Variants in DOCK2 observed in about 807,000 individuals in gnomAD.
DOCK2 encodes dedicator of cytokinesis protein 2.
Under a neutral mutation model 248.9 loss-of-function variants are expected in DOCK2, and 87 were observed. The observed-to-expected ratio is 0.35, with a 90% CI of 0.29 to 0.42. The LOEUF (loss-of-function observed/expected upper bound fraction) is 0.42. Ranked by LOEUF, DOCK2 falls within the 10% of genes least tolerant of loss-of-function variation. DOCK2 has a pLI of 1.00. For synonymous variants in DOCK2, 805 were observed against 821.6 expected (o/e 0.98, Z 0.35); for missense variants, 1,747 against 2,300.2 (o/e 0.76, Z 4.92).
intron 27 of DOCK2, among the ~76,000 whole-genome samples, chr5:169,933,024 T>C (rs1775828148): frequency 6.6e-6 from 1 of 152,242 alleles, no homozygotes; most frequent in Non-Finnish European, 1.5e-5. Flanking sequence ...AAATGGTTTC[T>C]CCGGCAGGTA....
chr5:169,696,267 C>A (rs28598583), intron 10 of DOCK2, among the ~76,000 whole-genome samples: 4,304 of 152,234 alleles, frequency 0.028, 197 homozygotes, highest in African/African-American at 0.098. Flanking sequence ...TTATGAGGAG[C>A]AAATCATTTA....
intron 26 of DOCK2, among the ~76,000 whole-genome samples, chr5:169,804,256 A>T (rs1767170018): frequency 6.6e-6 from 1 of 152,148 alleles, no homozygotes; most frequent in African/African-American, 2.4e-5. Context: ...TACACTTACC[A>T]TCCCAATTAA....
At chr5:169,889,317 T>C (rs1474181602) in intron 27 of DOCK2, among the ~76,000 whole-genome samples, 1 of 152,226 alleles carries the variant, frequency 6.6e-6, no homozygotes, top group Admixed American at 6.5e-5. Context: ...CTATGCTTTC[T>C]CTATTTACGG....
intron 27 of DOCK2, among the ~76,000 whole-genome samples, chr5:169,877,312 A>G (rs751461955): frequency 1.3e-5 from 2 of 152,184 alleles, no homozygotes; most frequent in South Asian, 2.1e-4. Flanking sequence ...AGCAATCTGC[A>G]TGGAGGATTA....
intron 25 of DOCK2, among the ~76,000 whole-genome samples, chr5:169,801,065 C>T (rs1187784658): frequency 7.0e-6 from 1 of 142,928 alleles, no homozygotes; most frequent in African/African-American, 2.6e-5. Context: ...AAGCTTCTGC[C>T]TGGCTTAAGC....
intron 26 of DOCK2, among the ~76,000 whole-genome samples, chr5:169,826,535 T>G (rs1377008869): frequency 6.6e-6 from 1 of 152,116 alleles, no homozygotes; most frequent in Non-Finnish European, 1.5e-5. Flanking sequence ...GGTAAAGGTA[T>G]GGTGAATTCT....
At chr5:169,835,782 C>G (rs1334469758) in intron 26 of DOCK2, among the ~76,000 whole-genome samples, 1 of 151,040 alleles carries the variant, frequency 6.6e-6, no homozygotes. Context: ...TTTTTTGAGA[C>G]AGGGTCTCAC....
intron 32 of DOCK2, among the ~76,000 whole-genome samples, chr5:170,014,187 A>T (rs960259281): frequency 4.6e-5 from 7 of 152,116 alleles, no homozygotes; most frequent in African/African-American, 1.4e-4. Flanking sequence ...TAAATAGGAA[A>T]TGGGATTAGA....
At chr5:169,654,349 G>A in intron 1 of DOCK2, 54 bp from the exon 2 acceptor site, 1 of 1,595,526 alleles carries the variant, frequency 6.3e-7, no homozygotes, top group Non-Finnish European at 8.6e-7. Context: ...GGAAGGAGCA[G>A]AGACTAATGA....
intron 9 of DOCK2, among the ~76,000 whole-genome samples, chr5:169,692,016 C>A (rs1393031984): frequency 2.6e-5 from 4 of 151,884 alleles, no homozygotes; most frequent in Admixed American, 1.3e-4. Context: ...CTACCACGCC[C>A]CACTAATTTT....
intron 2 of DOCK2, among the ~76,000 whole-genome samples, chr5:169,655,348 T>C (rs1051519652): frequency 2.6e-5 from 4 of 151,488 alleles, no homozygotes; most frequent in Non-Finnish European, 4.4e-5. Flanking sequence ...GAAGAGAGAG[T>C]GTATTGAGCA....
chr5:169,772,385 G>A (rs781464739), intron 25 of DOCK2, among the ~76,000 whole-genome samples: 1 of 152,206 alleles, frequency 6.6e-6, no homozygotes, highest in African/African-American at 2.4e-5. Context: ...CCTTCCTGTA[G>A]TTTCTTTTTG....
chr5:169,695,673 T>C lies in DOCK2; in HGVS notation c.844-130T>C, dbSNP rs191896706. ...TTGTTTCTATCTTTTCCAGGACTTA[T>C]TGTATGATTGGTCCATGTATAGCAA... On this transcript the variant is annotated intron_variant, in intron 9 of 51. Coordinates refer to ENST00000520908, the MANE Select transcript of DOCK2 (RefSeq NM_004946.3). 3,469 of 1,289,662 alleles carry C rather than the reference T, an allele frequency of 2.7e-3. 8 individuals carry two copies. Among genetic ancestry groups the C allele is most frequent in the Non-Finnish European group, 3.3e-3 (3,144 of 943,782 alleles). 79.9% of individuals were successfully genotyped at this position (1,289,662 alleles called of 1,614,324 possible).
chr5:169,882,519 A>T, intron 27 of DOCK2: 1 of 1,502,642 alleles, frequency 6.7e-7, no homozygotes, highest in Non-Finnish European at 8.9e-7. Flanking sequence ...GACTTCACCC[A>T]GTCATTTTTA....
intron 29 of DOCK2, among the ~76,000 whole-genome samples, chr5:169,991,882 G>T (rs1369213741): frequency 6.6e-6 from 1 of 152,108 alleles, no homozygotes; most frequent in East Asian, 1.9e-4. Context: ...ATGTTTAATG[G>T]GTATAACAGT....
chr5:170,032,562 A>T (rs1273761740), intron 34 of DOCK2, among the ~76,000 whole-genome samples: 2 of 152,130 alleles, frequency 1.3e-5, no homozygotes, highest in Non-Finnish European at 2.9e-5. Flanking sequence ...AAAATCACAC[A>T]CCAAACACTG....
chr5:169,674,247 G>A, intron 5 of DOCK2, 50 bp from the exon 6 acceptor site: 1 of 1,595,886 alleles, frequency 6.3e-7, no homozygotes, highest in Non-Finnish European at 8.5e-7. Flanking sequence ...CCAAATAGAT[G>A]GTCATGCCCC....
intron 27 of DOCK2, among the ~76,000 whole-genome samples, chr5:169,929,507 G>C (rs191658853): frequency 1.2e-4 from 19 of 152,200 alleles, no homozygotes; most frequent in Non-Finnish European, 2.5e-4. Context: ...AAGGCTGAGG[G>C]GGGAGGATTG....
intron 6 of DOCK2, among the ~76,000 whole-genome samples, chr5:169,681,488 T>G (rs530657664): frequency 4.9e-4 from 74 of 151,828 alleles, no homozygotes; most frequent in Middle Eastern, 3.4e-3. Context: ...CTAGTTCAAG[T>G]GTTGGGTGTT....
Sources: allele counts gnomAD v4.1 joint callset (sites outside exome capture counted in the v4.1 genomes callset), GRCh38; gene constraint gnomAD v4.1.1; transcripts MANE v1.5; gene names NCBI Gene and HGNC (gene_info 2026-07-23, HGNC 2026-07-21).